PIN4: variants seen among roughly 807,000 people sequenced by gnomAD.
PIN4 encodes the protein peptidyl-prolyl cis-trans isomerase NIMA-interacting 4.
Under a neutral mutation model 8.3 loss-of-function variants are expected in PIN4, and 3 were observed. That is an observed-to-expected ratio of 0.36 (90% CI 0.16 to 0.93). The LOEUF is 0.93. Among genes scored for constraint, PIN4 ranks in the 40% least tolerant of loss-of-function variants. PIN4 has a pLI of 0.44. For missense variants in PIN4, 75 were observed against 100.6 expected (o/e 0.75, Z 1.09); for synonymous variants, 18 against 32.5 (o/e 0.55, Z 1.52).
At chrX:72,258,102 G>A (rs2043120643) in intron 3 of PIN4, among the ~76,000 whole-genome samples, 3 of 111,030 alleles carry the variant, frequency 2.7e-5, no homozygotes. Context: ...TCGGGTTGGG[G>A]AAAGCTGCAG....
At chrX:72,199,007 T>G (rs2042779610), downstream of PIN4, 1 of 111,221 alleles carries the variant, frequency 9.0e-6, no homozygotes, top group Admixed American at 9.6e-5. Flanking sequence ...CCTTTGAATA[T>G]CCACTGCACT....
At chrX:72,220,705 G>A (rs985446492) in intron 3 of PIN4, among the ~76,000 whole-genome samples, 2 of 110,588 alleles carry the variant, frequency 1.8e-5, no homozygotes, top group Non-Finnish European at 1.9e-5. Flanking sequence ...CCCTCACACA[G>A]AAACATTCTA....
intron 3 of PIN4, among the ~76,000 whole-genome samples, chrX:72,229,108 A>C: frequency 9.1e-6 from 1 of 110,204 alleles, no homozygotes; most frequent in Admixed American, 9.7e-5. Flanking sequence ...AAGCCTCAAG[A>C]CTCTCCCATT....
intron 1 of PIN4, 46 bp downstream of exon 1, chrX:72,181,874 C>T (rs1237305110): frequency 5.2e-6 from 4 of 771,757 alleles, no homozygotes; most frequent in Admixed American, 2.6e-5. Context: ...GGGTGAGGAG[C>T]GAAGGGAGGG....
chrX:72,259,724 CTTTTTT>C (rs761255706), intron 3 of PIN4, among the ~76,000 whole-genome samples: 1 of 69,061 alleles, frequency 1.4e-5, no homozygotes, highest in Non-Finnish European at 2.6e-5. Context: ...AGGCCATATC[CTTTTTT>C]TTTTTTTTTT....
intron 3 of PIN4, among the ~76,000 whole-genome samples, chrX:72,213,915 T>A (rs1301205922): frequency 7.1e-5 from 8 of 111,987 alleles, no homozygotes; most frequent in Non-Finnish European, 1.5e-4. Flanking sequence ...CAAAGACCTG[T>A]CCGTTAACAG....
intron 3 of PIN4, among the ~76,000 whole-genome samples, chrX:72,243,209 A>G (rs1180397916): frequency 3.8e-4 from 36 of 93,930 alleles, no homozygotes; most frequent in East Asian, 1.4e-3. Context: ...CAGCTACTCG[A>G]GAGGCTGAGG....
chrX:72,243,281 C>T (rs1415396458), intron 3 of PIN4, among the ~76,000 whole-genome samples: 1 of 111,994 alleles, frequency 8.9e-6, no homozygotes, highest in East Asian at 2.8e-4. Context: ...TGCCATTGCA[C>T]TCCAGCCTCT....
intron 3 of PIN4, among the ~76,000 whole-genome samples, chrX:72,259,215 C>CT (rs3038606): frequency 0.013 from 1,204 of 90,594 alleles, 10 homozygotes; most frequent in Non-Finnish European, 0.017. Context: ...GAGTTTACTA[C>CT]TTTTTTTTTT....
intron 3 of PIN4, chrX:72,207,300 T>G (rs2042826044): frequency 8.3e-7 from 1 of 1,209,695 alleles, no homozygotes; most frequent in Non-Finnish European, 1.1e-6. Flanking sequence ...CAATGATGTT[T>G]AGAATTTGCC....
chrX:72,253,235 C>G (rs1200748730), intron 3 of PIN4, among the ~76,000 whole-genome samples: 1 of 112,182 alleles, frequency 8.9e-6, no homozygotes, highest in African/African-American at 3.2e-5. Flanking sequence ...TATCCCCACT[C>G]CACTGCAACT....
At chrX:72,191,771 C>A (rs948813134) in intron 2 of PIN4, among the ~76,000 whole-genome samples, 1 of 111,590 alleles carries the variant, frequency 9.0e-6, no homozygotes, top group Non-Finnish European at 1.9e-5. Context: ...ACAAAGTTAC[C>A]TCCTCACCTT....
intron 2 of PIN4, among the ~76,000 whole-genome samples, chrX:72,195,205 T>C (rs1203266173): frequency 1.9e-5 from 2 of 107,556 alleles, no homozygotes; most frequent in Non-Finnish European, 3.8e-5. Context: ...GATAATAGTG[T>C]TTTTTTAAAT....
chrX:72,219,693 C>T (rs919531594), intron 3 of PIN4, among the ~76,000 whole-genome samples: 1 of 103,400 alleles, frequency 9.7e-6, no homozygotes, highest in African/African-American at 3.6e-5. Flanking sequence ...ACTAAAAATA[C>T]AAAAAAATTA....
At chrX:72,186,342 C>T in intron 1 of PIN4, 119 bp from the exon 2 acceptor site, 1 of 554,479 alleles carries the variant, frequency 1.8e-6, no homozygotes, top group East Asian at 3.8e-5. Context: ...AAGTGTCTGG[C>T]CGAGTTCCCT....
At chrX:72,206,378 T>G (rs2042820344) in intron 3 of PIN4, 1 of 1,208,236 alleles carries the variant, frequency 8.3e-7, no homozygotes, top group African/African-American at 1.8e-5. Flanking sequence ...TGCAAGGTGG[T>G]AACATTCACC....
intron 3 of PIN4, among the ~76,000 whole-genome samples, chrX:72,227,332 T>A (rs924933956): frequency 9.8e-5 from 11 of 111,786 alleles, no homozygotes; most frequent in African/African-American, 3.3e-4. Flanking sequence ...AAGCTATATA[T>A]CCTCTATCGA....
intron 3 of PIN4, among the ~76,000 whole-genome samples, chrX:72,259,215 CTTTTTTT>C (rs3038606): frequency 6.6e-5 from 6 of 90,635 alleles, no homozygotes; most frequent in Admixed American, 1.2e-4. Flanking sequence ...GAGTTTACTA[CTTTTTTT>C]TTTTTTTTTT....
intron 1 of PIN4, among the ~76,000 whole-genome samples, chrX:72,185,253 C>T (rs769385807): frequency 1.8e-5 from 2 of 110,397 alleles, no homozygotes; most frequent in South Asian, 7.7e-4. Context: ...TGACCCTCAG[C>T]TACCTCCCTC....
Sources: gnomAD v4.1 joint callset for allele counts (sites outside exome capture counted in the v4.1 genomes callset) on GRCh38, gnomAD v4.1.1 for gene constraint, MANE v1.5 for transcripts, NCBI Gene and HGNC (gene_info 2026-07-23, HGNC 2026-07-21) for gene names.